Variants in CELF2 observed in about 807,000 individuals in gnomAD.
The protein encoded by CELF2 is CUGBP Elav-like family member 2.
CELF2 carries 8 observed loss-of-function variants against 62.6 expected under a neutral mutation model. The observed-to-expected ratio is 0.13, with a 90% CI of 0.07 to 0.23. The LOEUF is 0.23. Among genes scored for constraint, CELF2 ranks in the 10% least tolerant of loss-of-function variants. The pLI is 1.00. For synonymous variants in CELF2, 258 were observed against 250.0 expected, an observed-to-expected ratio of 1.03 and a Z score of -0.30; for missense variants, 333 against 671.0, an observed-to-expected ratio of 0.50 and a Z score of 5.56.
the CELF2 span, among the ~76,000 whole-genome samples, chr10:10,526,089 C>G: frequency 6.6e-6 from 1 of 152,120 alleles, no homozygotes; most frequent in Non-Finnish European, 1.5e-5. Flanking sequence ...CATGTTTTTT[C>G]ACATATAGAT....
the CELF2 span, among the ~76,000 whole-genome samples, chr10:10,781,869 G>C: frequency 6.6e-6 from 1 of 151,734 alleles, no homozygotes; most frequent in Non-Finnish European, 1.5e-5. Context: ...CTACAACTGT[G>C]GATTCAACCA....
At chr10:10,981,331 C>G (rs535401154) in intron 2 of CELF2, among the ~76,000 whole-genome samples, 2 of 152,296 alleles carry the variant, frequency 1.3e-5, no homozygotes, top group South Asian at 2.1e-4. Context: ...ATTGGCTTTA[C>G]CACACACTTA....
chr10:10,558,363 C>G, the CELF2 span, among the ~76,000 whole-genome samples: 21 of 151,448 alleles, frequency 1.4e-4, no homozygotes, highest in Admixed American at 1.2e-3. Context: ...ATTGAACCAG[C>G]CTTGCATCCC....
chr10:11,184,950 T>G (rs534288034), intron 2 of CELF2, among the ~76,000 whole-genome samples: 2 of 152,200 alleles, frequency 1.3e-5, no homozygotes, highest in African/African-American at 4.8e-5. Flanking sequence ...ATTATTATCA[T>G]GTTCTTGATA....
At chr10:11,045,924 C>G (rs971898802) in intron 1 of CELF2, among the ~76,000 whole-genome samples, 1 of 152,184 alleles carries the variant, frequency 6.6e-6, no homozygotes, top group African/African-American at 2.4e-5. Flanking sequence ...CTTATTTCAT[C>G]GTTACAATAA....
chr10:11,069,738 A>G (rs192454723), intron 1 of CELF2, among the ~76,000 whole-genome samples: 83 of 152,388 alleles, frequency 5.4e-4, no homozygotes, highest in Admixed American at 4.8e-3. Flanking sequence ...CACCAAATCC[A>G]GAAATGAAAG....
rs553831640 is a variant in CELF2, at chr10:11,262,940, CTTTTTTT to C, written c.539-3637_539-3631del. Among the ~76,000 whole-genome samples, 95 of 52,764 alleles carry C rather than the reference CTTTTTTT, an allele frequency of 1.8e-3. 2 individuals carry two copies. The highest frequency in any genetic ancestry group is 5.2e-3 in the African/African-American group (75 of 14,464). 34.6% of individuals were successfully genotyped at this position (52,764 alleles called of 152,430 possible). A position where few individuals can be genotyped will look rare whatever the true frequency, so the allele number is the denominator to read the frequency against. On this transcript the variant is annotated intron_variant, in intron 5 of 12. Coordinates refer to ENST00000633077, the MANE Select transcript of CELF2 (RefSeq NM_001326342.2). Reference sequence around the variant, plus strand: ...GTTCATGCTTTTAAAAGTGGCTTTACTTTTTTTTTTTTTTTTTTTTTTTTTTTGGTGC... The same window carrying C: ...GTTCATGCTTTTAAAAGTGGCTTTACTTTTTTTTTTTTTTTTTTTTGGTGC...
upstream of CELF2, among the ~76,000 whole-genome samples, chr10:11,015,440 A>C (rs189176077): frequency 1.7e-3 from 263 of 152,292 alleles, no homozygotes; most frequent in Middle Eastern, 0.027. The surrounding 1 kb of genome is among the most constrained non-coding windows in gnomAD (Gnocchi z 4.8). Flanking sequence ...GTGAGTATTT[A>C]GTTTCCCTCT....
At chr10:11,275,335 A>T (rs565657666) in intron 8 of CELF2, among the ~76,000 whole-genome samples, 1 of 152,204 alleles carries the variant, frequency 6.6e-6, no homozygotes, top group East Asian at 1.9e-4. Context: ...CATGACCGCT[A>T]TAGAATGAAG....
chr10:11,249,119 A>T lies in CELF2; in HGVS notation c.355-34A>T, dbSNP rs992591009. 4 of 1,579,768 alleles carry T rather than the reference A, an allele frequency of 2.5e-6. No individual in the cohort carries two copies. The East Asian group carries it at 6.7e-5, about 26-fold the overall frequency. ...CTGAGATGATTTTTACAGTTGTTCA[A>T]TCTGCCTTTACTTTCTCCCTTTTGT... On this transcript the variant is annotated intron_variant, in intron 3 of 12. Coordinates refer to ENST00000633077, the MANE Select transcript of CELF2 (RefSeq NM_001326342.2).
intron 1 of CELF2, among the ~76,000 whole-genome samples, chr10:11,073,190 T>C (rs893188128): frequency 1.3e-5 from 2 of 152,238 alleles, no homozygotes; most frequent in Admixed American, 6.5e-5. Flanking sequence ...GGCTAGTGAC[T>C]CAGTGGGCCT....
At chr10:11,069,865 T>C (rs966958692) in intron 1 of CELF2, among the ~76,000 whole-genome samples, 10 of 152,214 alleles carry the variant, frequency 6.6e-5, no homozygotes, top group Admixed American at 3.9e-4. Context: ...CCAGAAGTAA[T>C]GATGAGCTAG....
At position 11,320,108 on chromosome 10, in the gene CELF2, G is replaced by A. The variant is rs555617454; in HGVS notation, c.1097-1081G>A. Among the ~76,000 whole-genome samples the A allele has an allele frequency of 7.9e-5, 12 of 152,298 alleles. 1 individual carries two copies. In the South Asian group the frequency reaches 2.3e-3, roughly 29 times the overall value. Reference sequence around the variant, plus strand: ...GAAACATCTTTTCTTAAAGAACTGTGATCATAAAGGGACCCAGAGGCAATT... The same window carrying A: ...GAAACATCTTTTCTTAAAGAACTGTAATCATAAAGGGACCCAGAGGCAATT... On this transcript the variant is annotated intron_variant, in intron 10 of 12. Coordinates refer to ENST00000633077, the MANE Select transcript of CELF2 (RefSeq NM_001326342.2).
chr10:11,171,596 G>A (rs980345436), intron 2 of CELF2, among the ~76,000 whole-genome samples: 4 of 152,222 alleles, frequency 2.6e-5, no homozygotes, highest in Non-Finnish European at 2.9e-5. Flanking sequence ...GAATTGGCCC[G>A]AAGGTAGCCC....
In CELF2 at chr10:11,032,146, C is replaced by CAAAAAAAAA. The variant is rs56364371; in HGVS notation, c.74+14000_74+14008dup. Among the ~76,000 whole-genome samples, 87 of 86,390 alleles carry CAAAAAAAAA rather than the reference C, an allele frequency of 1.0e-3. 2 individuals carry two copies. Among genetic ancestry groups the CAAAAAAAAA allele is most frequent in the African/African-American group, 2.8e-3 (69 of 24,982 alleles). The allele number at this position is 86,390 out of a possible 152,430, so 56.7% of individuals were successfully genotyped here. On this transcript the variant is annotated intron_variant, in intron 1 of 12. Transcript: ENST00000633077. ...CTCCCAGCTCCACATAGGGCTTAGC[C>CAAAAAAAAA]AAAAAAAAAAAAAAAAAAAAAAAAA...
At chr10:11,128,773 T>G (rs1198948706) in intron 1 of CELF2, among the ~76,000 whole-genome samples, 1 of 152,184 alleles carries the variant, frequency 6.6e-6, no homozygotes, top group Non-Finnish European at 1.5e-5. Flanking sequence ...TAAGGAGACT[T>G]TGGGCTGAGA....
At chr10:10,559,396 T>C in the CELF2 span, among the ~76,000 whole-genome samples, 1 of 152,226 alleles carries the variant, frequency 6.6e-6, no homozygotes. Flanking sequence ...CCTCATTAGT[T>C]AAACATCCCA....
intron 5 of CELF2, among the ~76,000 whole-genome samples, chr10:11,258,931 G>A (rs1437638206): frequency 3.3e-5 from 5 of 152,202 alleles, no homozygotes; most frequent in South Asian, 4.1e-4. Flanking sequence ...TGATCCACCC[G>A]CCTCAGCCTC....
At chr10:11,061,998 G>A (rs773854851) in intron 1 of CELF2, among the ~76,000 whole-genome samples, 5 of 152,166 alleles carry the variant, frequency 3.3e-5, no homozygotes, top group African/African-American at 4.8e-5. Flanking sequence ...TTTTAGTAGC[G>A]ACGGGGTTTC....
Sources: gnomAD v4.1 joint callset for allele counts (sites outside exome capture counted in the v4.1 genomes callset) on GRCh38, gnomAD v4.1.1 for gene constraint, Gnocchi (gnomAD v3.1) non-coding constraint, MANE v1.5 for transcripts, NCBI Gene and HGNC (gene_info 2026-07-23, HGNC 2026-07-21) for gene names.